Variants in MAP3K20 observed in about 807,000 individuals in gnomAD.
The protein encoded by MAP3K20 is HCCS-4.
MAP3K20 carries 40 observed loss-of-function variants against 85.7 expected under a neutral mutation model. The observed-to-expected ratio is 0.47, with a 90% CI of 0.36 to 0.61. MAP3K20 has a LOEUF of 0.61. Ranked by LOEUF, MAP3K20 falls within the 20% of genes least tolerant of loss-of-function variation. The pLI, the probability that MAP3K20 is intolerant of heterozygous loss-of-function variation, is 0.00. For missense variants in MAP3K20, 817 were observed against 961.7 expected (o/e 0.85, Z 1.99); for synonymous variants, 325 against 327.7 (o/e 0.99, Z 0.09).
Position 173,085,144 on chromosome 2 carries a change from G to T in MAP3K20, c.-34-5854G>T, listed in dbSNP as rs151102554. 7.2e-5 allele frequency among the ~76,000 whole-genome samples: 11 copies of T among 152,270 alleles called. No individual in the cohort carries two copies. The East Asian group carries it at 9.6e-4, about 13-fold the overall frequency. Reference sequence around the variant, plus strand: ...GAAAAAGTGATTTGTTAAAGTTACCGAGAGGTGGAGGGAGAGTTCAAACTC... The same window carrying T: ...GAAAAAGTGATTTGTTAAAGTTACCTAGAGGTGGAGGGAGAGTTCAAACTC... On this transcript the variant is annotated intron_variant, in intron 1 of 19. Coordinates refer to ENST00000375213, the MANE Select transcript of MAP3K20 (RefSeq NM_016653.3).
At position 173,261,050 on chromosome 2, in the gene MAP3K20, T is replaced by G; in HGVS notation, c.1477-13T>G. On this transcript the variant is annotated splice_polypyrimidine_tract_variant and intron_variant, in intron 17 of 19. Coordinates refer to ENST00000375213, the MANE Select transcript of MAP3K20 (RefSeq NM_016653.3). ...TGTTATGGTACTACACCATCCTAAC[T>G]TTTGTTTTTCAGCCACCATTTGTAA... 1 of 1,612,752 alleles carries G rather than the reference T, an allele frequency of 6.2e-7. No homozygotes were observed. Among genetic ancestry groups the G allele is most frequent in the South Asian group, 1.1e-5 (1 of 90,952 alleles).
At chr2:173,205,113 A>AC (rs1465286227) in intron 9 of MAP3K20, among the ~76,000 whole-genome samples, 1 of 141,336 alleles carries the variant, frequency 7.1e-6, no homozygotes, top group African/African-American at 2.8e-5. Flanking sequence ...AAAAAAAAAA[A>AC]AAAAAAAAAT....
intron 2 of MAP3K20, among the ~76,000 whole-genome samples, chr2:173,162,307 AAGAGATGGCTTCAGCTG>A (rs1689682573): frequency 6.6e-6 from 1 of 152,126 alleles, no homozygotes; most frequent in African/African-American, 2.4e-5. Flanking sequence ...GAGTGCAGTG[AAGAGATGGCTTCAGCTG>A]AGTGACTGGA....
rs765535754 is a variant in MAP3K20, at chr2:173,169,786, C to T, written c.160-19C>T. 105 of 1,601,892 alleles carry T rather than the reference C, an allele frequency of 6.6e-5. No homozygotes were observed. The highest frequency in any genetic ancestry group is 8.5e-5 in the Non-Finnish European group (100 of 1,174,128). ...AAATGTGAAATGTTATGCAACTTTG[C>T]ATTTTATTTTTTGTACAGGCAGAAA... On this transcript the variant is annotated intron_variant, in intron 2 of 19. Coordinates refer to ENST00000375213, the MANE Select transcript of MAP3K20 (RefSeq NM_016653.3).
chr2:173,077,379 C>CAAA (rs35541382), intron 1 of MAP3K20, among the ~76,000 whole-genome samples: 16,206 of 95,826 alleles, frequency 0.17, 1,149 homozygotes, highest in South Asian at 0.28. Context: ...TTCAATTTTC[C>CAAA]AAAAAAAAAA....
chr2:173,138,233 T>G (rs1238725389), intron 2 of MAP3K20, among the ~76,000 whole-genome samples: 1 of 152,168 alleles, frequency 6.6e-6, no homozygotes, highest in Non-Finnish European at 1.5e-5. Context: ...CCTCCCAAAG[T>G]GCTGGGATTA....
At chr2:173,264,613 A>G (rs1014533204) in intron 19 of MAP3K20, among the ~76,000 whole-genome samples, 1 of 152,180 alleles carries the variant, frequency 6.6e-6, no homozygotes, top group Admixed American at 6.5e-5. Context: ...TAAACTAATT[A>G]AAGTCGATCC....
intron 1 of MAP3K20, among the ~76,000 whole-genome samples, chr2:173,077,901 A>G (rs1686910617): frequency 2.0e-5 from 3 of 152,244 alleles, no homozygotes; most frequent in Admixed American, 2.0e-4. Flanking sequence ...GGCAAGTTGC[A>G]CTGTGTATTT....
Position 173,266,248 on chromosome 2 carries a change from G to A in MAP3K20, c.1901G>A (p.Arg634Lys). The A allele has an allele frequency of 6.2e-7, 1 of 1,614,084 alleles. No individual in the cohort carries two copies. The highest frequency in any genetic ancestry group is 2.2e-5 in the East Asian group (1 of 44,878). The change falls in exon 20 of 20, where the codon AGA becomes AAA. Residue 634 changes from arginine (R) to lysine (K), a missense_variant. Coordinates refer to ENST00000375213, the MANE Select transcript of MAP3K20 (RefSeq NM_016653.3). The part of the protein sequence containing the change: ...YQQITPVNQS[R>K]SSSPTQYGLT... ...CAGATTACACCTGTGAACCAGTCCA[G>A]AAGCTCGTCTCCTACTCAGTATGGA...
intron 2 of MAP3K20, among the ~76,000 whole-genome samples, chr2:173,132,575 T>C (rs1688648760): frequency 6.6e-6 from 1 of 152,168 alleles, no homozygotes; most frequent in South Asian, 2.1e-4. Context: ...TTAAAGTTTT[T>C]CTCTGTTTTC....
At chr2:173,156,241 T>G (rs542882219) in intron 2 of MAP3K20, among the ~76,000 whole-genome samples, 1 of 152,244 alleles carries the variant, frequency 6.6e-6, no homozygotes, top group Non-Finnish European at 1.5e-5. Flanking sequence ...CAAGACTGAT[T>G]TGTTATAAAA....
At chr2:173,176,340 C>A (rs1690154058) in intron 3 of MAP3K20, among the ~76,000 whole-genome samples, 1 of 151,726 alleles carries the variant, frequency 6.6e-6, no homozygotes, top group Non-Finnish European at 1.5e-5. Context: ...TTGTATAAAG[C>A]AATACGTTTT....
At chr2:173,169,764 T>A in intron 2 of MAP3K20, 41 bp from the exon 3 acceptor site, 1 of 1,574,426 alleles carries the variant, frequency 6.4e-7, no homozygotes, top group African/African-American at 1.4e-5. Flanking sequence ...CTATTATAAA[T>A]GTGAAATGTT....
intron 1 of MAP3K20, among the ~76,000 whole-genome samples, chr2:173,082,675 T>C (rs574298013): frequency 1.3e-3 from 197 of 152,354 alleles, no homozygotes; most frequent in South Asian, 3.1e-3. Context: ...ATTCCTCTTC[T>C]GGCCAAGCCC....
chr2:173,238,339 G>C, intron 14 of MAP3K20, 34 bp from the exon 15 acceptor site: 1 of 1,551,586 alleles, frequency 6.4e-7, no homozygotes, highest in Non-Finnish European at 8.9e-7. Context: ...GGTATTACTG[G>C]ATCATTAATA....
At chr2:173,257,684 G>A (rs1419576006) in intron 16 of MAP3K20, among the ~76,000 whole-genome samples, 1 of 151,964 alleles carries the variant, frequency 6.6e-6, no homozygotes, top group Non-Finnish European at 1.5e-5. Context: ...TAGAATTTCT[G>A]GGTCATAGAA....
intron 16 of MAP3K20, among the ~76,000 whole-genome samples, chr2:173,250,790 G>A (rs896284543): frequency 5.3e-5 from 8 of 152,154 alleles, no homozygotes; most frequent in Admixed American, 1.3e-4. Flanking sequence ...AATTTTTAGG[G>A]AGAGTTTCTT....
At chr2:173,224,107 A>G (rs759328171) in intron 11 of MAP3K20, 214 of 848,248 alleles carry the variant, frequency 2.5e-4, no homozygotes, top group Non-Finnish European at 2.8e-4. Context: ...CAAATGCATC[A>G]TATGTTCACA....
intron 10 of MAP3K20, among the ~76,000 whole-genome samples, chr2:173,216,241 A>AGAACAGATTTCT (rs1684067955): frequency 2.0e-5 from 3 of 152,248 alleles, no homozygotes; most frequent in African/African-American, 7.2e-5. Context: ...CTTTCTGTGA[A>AGAACAGATTTCT]GAACAGATTT....
Sources: gnomAD v4.1 joint callset for allele counts (sites outside exome capture counted in the v4.1 genomes callset) on GRCh38, gnomAD v4.1.1 for gene constraint, MANE v1.5 for transcripts, NCBI Gene and HGNC (gene_info 2026-07-23, HGNC 2026-07-21) for gene names.